YWHAZ: variants seen among roughly 807,000 people sequenced by gnomAD.
YWHAZ encodes the protein 14-3-3 protein zeta/delta.
For missense variants in YWHAZ, 79 were observed against 284.8 expected, an observed-to-expected ratio of 0.28 and a Z score of 5.20; for synonymous variants, 87 against 103.6, an observed-to-expected ratio of 0.84 and a Z score of 0.97.
chr8:100,939,009 G>A (rs755689073), intron 2 of YWHAZ, among the ~76,000 whole-genome samples: 3 of 152,088 alleles, frequency 2.0e-5, no homozygotes, highest in Non-Finnish European at 2.9e-5. Context: ...ATCACTTAAC[G>A]CATTTTCCAT....
chr8:100,943,969 A>G (rs1810068351), intron 2 of YWHAZ, among the ~76,000 whole-genome samples: 1 of 146,062 alleles, frequency 6.8e-6, no homozygotes, highest in Admixed American at 7.2e-5. Context: ...CCTAGGCGAC[A>G]GAGCAAGACT....
intron 2 of YWHAZ, among the ~76,000 whole-genome samples, chr8:100,933,252 G>C (rs550108705): frequency 6.6e-6 from 1 of 152,046 alleles, no homozygotes; most frequent in South Asian, 2.1e-4. Flanking sequence ...CCAGCTACTC[G>C]GGAGGCTGAG....
At chr8:100,951,435 G>C in intron 1 of YWHAZ, 1 of 980,324 alleles carries the variant, frequency 1.0e-6, no homozygotes, top group Non-Finnish European at 1.2e-6. Flanking sequence ...GGCCGAGGGA[G>C]AGGGGAGGGG....
At chr8:100,937,871 C>T (rs1814272333) in intron 2 of YWHAZ, among the ~76,000 whole-genome samples, 3 of 152,230 alleles carry the variant, frequency 2.0e-5, no homozygotes, top group African/African-American at 4.8e-5. Context: ...TGACTCATGC[C>T]GGTAATCCCA....
chr8:100,933,689 G>A (rs148296564), intron 2 of YWHAZ, among the ~76,000 whole-genome samples: 1 of 150,492 alleles, frequency 6.6e-6, no homozygotes, highest in African/African-American at 2.5e-5. Flanking sequence ...AGAGAAAAAA[G>A]GGAAATATCC....
upstream of YWHAZ, chr8:100,952,055 C>T (rs1273558473): frequency 3.0e-6 from 3 of 988,740 alleles, no homozygotes; most frequent in South Asian, 4.4e-5. Context: ...ACAGCCGCTC[C>T]GCAGACACGG....
At chr8:100,950,215 T>C (rs748487889) in intron 1 of YWHAZ, among the ~76,000 whole-genome samples, 3 of 152,234 alleles carry the variant, frequency 2.0e-5, no homozygotes, top group Non-Finnish European at 4.4e-5. Context: ...GATTTTTCCC[T>C]TAGGATCTCA....
chr8:100,951,007 T>G, intron 1 of YWHAZ: 1 of 332,488 alleles, frequency 3.0e-6, no homozygotes, highest in Non-Finnish European at 4.3e-6. Context: ...CACCACCCTG[T>G]TCTCTACCCC....
At chr8:100,925,367 A>AGCTGGCAAGGG (rs1813287176) in intron 2 of YWHAZ, among the ~76,000 whole-genome samples, 1 of 152,220 alleles carries the variant, frequency 6.6e-6, no homozygotes. Flanking sequence ...TTTTCTAATG[A>AGCTGGCAAGGG]GCTGGCAAGC....
Position 100,920,626 on chromosome 8 carries a change from C to A in YWHAZ, c.*67G>T. ...CGTAAACAAAAAACTATTTGTGGGA[C>A]AGCATGGATGACAAATGGTCTACTG... On this transcript the variant is annotated 3_prime_UTR_variant, in exon 6 of 6. Transcript: ENST00000395958. 7.7e-7 allele frequency: 1 copy of A among 1,296,062 alleles called. No individual in the cohort carries two copies. Among genetic ancestry groups the A allele is most frequent in the South Asian group, 1.2e-5 (1 of 83,456 alleles). The allele number at this position is 1,296,062 out of a possible 1,614,324, so 80.3% of individuals were successfully genotyped here. A position where few individuals can be genotyped will look rare whatever the true frequency, so the allele number is the denominator to read the frequency against.
At chr8:100,929,201 ATTT>A (rs200634118) in intron 2 of YWHAZ, among the ~76,000 whole-genome samples, 3 of 138,398 alleles carry the variant, frequency 2.2e-5, no homozygotes, top group African/African-American at 5.4e-5. Flanking sequence ...TCAAACATTG[ATTT>A]TTTTTTTTTT....
At position 100,924,857 on chromosome 8, in the gene YWHAZ, ACT is replaced by A. The variant is rs1813254416; in HGVS notation, c.418+57_418+58del. On this transcript the variant is annotated intron_variant, in intron 3 of 5. Transcript: ENST00000395958. This position sits in a 1 kb window ranked among gnomAD's most constrained non-coding sequence, Gnocchi z 5.7. ...ACAAGACATTATGTACGCTTCAGAG[ACT>A]CTTCCTCACTATGTTATCTTATACA... The A allele has an allele frequency of 6.2e-7, 1 of 1,602,334 alleles. No individual in the cohort carries two copies. Among genetic ancestry groups the A allele is most frequent in the East Asian group, 2.2e-5 (1 of 44,728 alleles).
chr8:100,939,969 G>A (rs1197378972), intron 2 of YWHAZ, among the ~76,000 whole-genome samples: 1 of 151,064 alleles, frequency 6.6e-6, no homozygotes, highest in Non-Finnish European at 1.5e-5. Context: ...CTTGCAGTGA[G>A]CCGAGATCGC....
chr8:100,953,355 A>T, upstream of YWHAZ: 9 of 985,610 alleles, frequency 9.1e-6, no homozygotes, highest in Non-Finnish European at 1.1e-5. Flanking sequence ...AGGCCGGGTG[A>T]TGAGCCGGGA....
intron 2 of YWHAZ, among the ~76,000 whole-genome samples, chr8:100,938,202 T>A (rs1222527574): frequency 6.6e-6 from 1 of 151,820 alleles, no homozygotes; most frequent in Non-Finnish European, 1.5e-5. Context: ...CAACTCCTCA[T>A]CCCCCCCTAC....
rs1447261928 is a variant in YWHAZ at position 100,951,638 on chromosome 8, T to A, written c.-12+291A>T. The A allele has an allele frequency of 6.1e-6, 6 of 984,400 alleles. No individual in the cohort carries two copies. The African/African-American group carries it at 1.1e-4, about 17-fold the overall frequency. The allele number at this position is 984,400 out of a possible 1,614,324, so 61.0% of individuals were successfully genotyped here. A position where few individuals can be genotyped will look rare whatever the true frequency, so the allele number is the denominator to read the frequency against. On this transcript the variant is annotated intron_variant, in intron 1 of 5. Transcript: ENST00000395958. ...CCGGCGACAGGGAGATCCCCAGGGA[T>A]CTCGCGTGTGGGCGCCCTACCCACC...
Position 100,951,236 on chromosome 8 carries a change from T to C in YWHAZ, c.-12+693A>G, listed in dbSNP as rs991906309. On this transcript the variant is annotated intron_variant, in intron 1 of 5. Coordinates refer to ENST00000395958, the MANE Select transcript of YWHAZ (RefSeq NM_145690.3). ...GCGCGCAGCCTCGCCCCGGTCTACC[T>C]GGCGGGCGCCGCCGCGCCAGGCCTG... 4.1e-6 allele frequency: 4 copies of C among 984,554 alleles called. No individual in the cohort carries two copies. In the African/African-American group the frequency reaches 5.3e-5, roughly 13 times the overall value. The allele number at this position is 984,554 out of a possible 1,614,324, so 61.0% of individuals were successfully genotyped here. A position where few individuals can be genotyped will look rare whatever the true frequency, so the allele number is the denominator to read the frequency against.
chr8:100,930,059 G>A (rs1325224672), intron 2 of YWHAZ, among the ~76,000 whole-genome samples: 1 of 152,224 alleles, frequency 6.6e-6, no homozygotes, highest in African/African-American at 2.4e-5. Context: ...AGGGGAGGGA[G>A]TGGGCACACC....
intron 2 of YWHAZ, among the ~76,000 whole-genome samples, chr8:100,932,791 A>C (rs1279953766): frequency 6.6e-6 from 1 of 152,190 alleles, no homozygotes; most frequent in Non-Finnish European, 1.5e-5. Context: ...CAACCACTGG[A>C]CTTCCCATTT....
Sources: allele counts gnomAD v4.1 joint callset (sites outside exome capture counted in the v4.1 genomes callset), GRCh38; gene constraint gnomAD v4.1.1; non-coding constraint Gnocchi (gnomAD v3.1); transcripts MANE v1.5; gene names NCBI Gene and HGNC (gene_info 2026-07-23, HGNC 2026-07-21).